OSBPL1A: variants seen among roughly 807,000 people sequenced by gnomAD.
OSBPL1A encodes oxysterol binding protein like 1A.
In OSBPL1A, 80 loss-of-function variants were observed where a neutral mutation model predicts 137.1. The ratio of observed to expected loss-of-function variants is 0.58; its 90% CI spans 0.49 to 0.70. The LOEUF (loss-of-function observed/expected upper bound fraction) is 0.70. OSBPL1A is among the 30% of genes least tolerant of loss of function. The pLI is 0.00. For synonymous variants in OSBPL1A, 365 were observed against 389.7 expected (o/e 0.94, Z 0.75); for missense variants, 970 against 1,129.4 (o/e 0.86, Z 2.02).
In OSBPL1A at chr18:24,315,721, T is replaced by TA. The variant is rs1362055925; in HGVS notation, c.871-1375_871-1374insT. ...ACTATATAATAAAATATATAATATA[T>TA]GTAATATATTATATAATAAAATATA... On this transcript the variant is annotated intron_variant, in intron 11 of 27. Transcript: ENST00000319481. Among the ~76,000 whole-genome samples, 139 of 123,090 alleles carry TA rather than the reference T, an allele frequency of 1.1e-3. 1 individual carries two copies. The highest frequency in any genetic ancestry group is 4.1e-3 in the African/African-American group (129 of 31,526). 80.8% of individuals were successfully genotyped at this position (123,090 alleles called of 152,430 possible).
chr18:24,166,635 G>A lies in OSBPL1A; in HGVS notation c.2603C>T (p.Pro868Leu). 6.2e-7 allele frequency: 1 copy of A among 1,612,862 alleles called. No individual in the cohort carries two copies. The highest frequency in any genetic ancestry group is 8.5e-7 in the Non-Finnish European group (1 of 1,179,588). Residue 868 changes from proline (P) to leucine (L), a missense_variant, in exon 26 of 28, where the codon CCC (proline) becomes CTC (leucine). Physicochemically the swap from Pro to Leu is moderately conservative, Grantham distance 98. Transcript: ENST00000319481. ...AGGCCGTAACCTGCAGTCTGTCTTG[G>A]GAATCACACTCTCCATGTCTTTGTC... ...EVDKDMESVI[P>L]KTDCRLRPDI...
chr18:24,358,442 G>A (rs1216502022), intron 4 of OSBPL1A: 2 of 702,254 alleles, frequency 2.8e-6, no homozygotes, highest in Admixed American at 4.0e-5. Context: ...TCGTGCACAG[G>A]TGTGATGCCA....
At chr18:24,314,498 A>C in intron 11 of OSBPL1A, 151 bp from the exon 12 acceptor site, 1 of 528,522 alleles carries the variant, frequency 1.9e-6, no homozygotes, top group Non-Finnish European at 3.3e-6. Flanking sequence ...AAAAAAATAG[A>C]TTACAGTGGG....
chr18:24,288,711 T>C (rs1232414974), intron 14 of OSBPL1A, among the ~76,000 whole-genome samples: 1 of 148,590 alleles, frequency 6.7e-6, no homozygotes, highest in African/African-American at 2.5e-5. Context: ...GAGGTTGCAG[T>C]GAGCCGAGAT....
At chr18:24,265,521 T>G (rs1453102733) in intron 15 of OSBPL1A, among the ~76,000 whole-genome samples, 1 of 152,062 alleles carries the variant, frequency 6.6e-6, no homozygotes, top group African/African-American at 2.4e-5. Flanking sequence ...TACTAAGAAT[T>G]ATGCTCACAA....
chr18:24,328,218 A>AT (rs564798076), intron 7 of OSBPL1A, among the ~76,000 whole-genome samples: 9,440 of 48,550 alleles, frequency 0.19, 2,079 homozygotes, highest in Non-Finnish European at 0.26. Flanking sequence ...AATTTTTTGT[A>AT]TTTTTTTTTT....
intron 15 of OSBPL1A, among the ~76,000 whole-genome samples, chr18:24,279,549 A>G (rs894314823): frequency 4.6e-5 from 7 of 152,242 alleles, no homozygotes; most frequent in Admixed American, 2.6e-4. Flanking sequence ...TTCTTTTACC[A>G]AAACCTAATC....
Position 24,165,144 on chromosome 18 carries a change from C to T in OSBPL1A, c.2671G>A (p.Glu891Lys). Residue 891 changes from glutamate to lysine, a missense_variant, in exon 27 of 28, where the codon GAA (glutamate) becomes AAA (lysine). By Grantham distance (56) the Glu-to-Lys change is moderately conservative. Coordinates refer to ENST00000319481, the MANE Select transcript of OSBPL1A (RefSeq NM_080597.4). The part of the protein sequence containing the change: ...MENGEIDQAS[E>K]EKKRLEEKQR... The stretch of plus-strand genomic sequence containing the variant: ...TTTTCCTCAAGTCGTTTTTTTTCTT[C>T]ACTAGCTTGATCTAAAATAAGAACA... 6.8e-7 allele frequency: 1 copy of T among 1,475,238 alleles called. No homozygotes were observed. The allele number at this position is 1,475,238 out of a possible 1,614,324, so 91.4% of individuals were successfully genotyped here.
intron 1 of OSBPL1A, among the ~76,000 whole-genome samples, chr18:24,392,535 CAGAT>C (rs1399169772): frequency 6.6e-6 from 1 of 152,162 alleles, no homozygotes; most frequent in Non-Finnish European, 1.5e-5. Flanking sequence ...TTTAAATTCT[CAGAT>C]ACTGATTTTA....
intron 18 of OSBPL1A, among the ~76,000 whole-genome samples, chr18:24,186,051 C>T (rs2086738812): frequency 6.6e-6 from 1 of 151,974 alleles, no homozygotes; most frequent in Admixed American, 6.6e-5. Context: ...CTGGGTGACA[C>T]AGCAAGACCC....
intron 4 of OSBPL1A, among the ~76,000 whole-genome samples, chr18:24,365,370 A>C (rs1319181863): frequency 6.6e-6 from 1 of 151,994 alleles, no homozygotes; most frequent in African/African-American, 2.4e-5. Context: ...GGATCCTCTA[A>C]GGTCAGGAGT....
chr18:24,363,314 T>G (rs1729396594), intron 4 of OSBPL1A, among the ~76,000 whole-genome samples: 1 of 152,204 alleles, frequency 6.6e-6, no homozygotes, highest in African/African-American at 2.4e-5. Flanking sequence ...TTCCCGTTGC[T>G]AGAGACTGTC....
At chr18:24,341,887 T>C (rs2091279753) in intron 4 of OSBPL1A, among the ~76,000 whole-genome samples, 1 of 152,208 alleles carries the variant, frequency 6.6e-6, no homozygotes, top group African/African-American at 2.4e-5. Flanking sequence ...ACTTCTATAA[T>C]TGATTTTTAT....
At chr18:24,264,701 G>GT (rs2089529181) in intron 15 of OSBPL1A, among the ~76,000 whole-genome samples, 1 of 152,194 alleles carries the variant, frequency 6.6e-6, no homozygotes, top group African/African-American at 2.4e-5. Flanking sequence ...ATTTCTAAAT[G>GT]TGGCATCCTT....
chr18:24,300,027 A>G (rs992543121), intron 14 of OSBPL1A, among the ~76,000 whole-genome samples: 2 of 152,210 alleles, frequency 1.3e-5, no homozygotes, highest in Non-Finnish European at 2.9e-5. Flanking sequence ...CATGGCCTTC[A>G]GGAAGTCTTC....
chr18:24,349,371 C>T (rs970109457), intron 4 of OSBPL1A, among the ~76,000 whole-genome samples: 2 of 152,144 alleles, frequency 1.3e-5, no homozygotes, highest in South Asian at 4.2e-4. Context: ...CTATAATATC[C>T]TCAGAGAAGT....
intron 16 of OSBPL1A, among the ~76,000 whole-genome samples, chr18:24,231,122 T>C (rs1406299884): frequency 6.6e-6 from 1 of 152,142 alleles, no homozygotes; most frequent in African/African-American, 2.4e-5. Flanking sequence ...TTGAAAAACA[T>C]ATATTTTACA....
chr18:24,367,217 G>A (rs1021373633), intron 3 of OSBPL1A, among the ~76,000 whole-genome samples: 3 of 147,262 alleles, frequency 2.0e-5, no homozygotes, highest in African/African-American at 7.7e-5. Flanking sequence ...GCACTATAGC[G>A]AGACTCCATC....
chr18:24,259,291 A>G (rs1013668716), intron 15 of OSBPL1A, among the ~76,000 whole-genome samples: 4 of 152,146 alleles, frequency 2.6e-5, no homozygotes, highest in East Asian at 1.9e-4. Context: ...AACGTGCTCT[A>G]CTTAATCAGG....
Sources: allele counts gnomAD v4.1 joint callset (sites outside exome capture counted in the v4.1 genomes callset), GRCh38; gene constraint gnomAD v4.1.1; transcripts MANE v1.5; gene names NCBI Gene and HGNC (gene_info 2026-07-23, HGNC 2026-07-21).